The following RARRES1 variants were observed in gnomAD, a reference collection of about 807,000 sequenced individuals.
RARRES1 encodes the protein retinoic acid receptor responder 1, also known as retinoic acid receptor responder protein 1.
In RARRES1, 34 loss-of-function variants were observed where a neutral mutation model predicts 30.6. The ratio of observed to expected loss-of-function variants is 1.11; its 90% CI spans 0.84 to 1.48. The LOEUF (loss-of-function observed/expected upper bound fraction) is 1.48. Among genes scored for constraint, RARRES1 ranks in the 40% most tolerant of loss-of-function variants. RARRES1 has a pLI of 0.00. For missense variants in RARRES1, 373 were observed against 386.5 expected (o/e 0.97, Z 0.29); for synonymous variants, 153 against 155.5 (o/e 0.98, Z 0.12).
intron 1 of RARRES1, among the ~76,000 whole-genome samples, chr3:158,722,881 C>CA (rs140630533): frequency 0.24 from 26,244 of 109,914 alleles, 3,037 homozygotes; most frequent in African/African-American, 0.26. Context: ...GACTCCATCT[C>CA]AAAAAAAAAA....
intron 4 of RARRES1, among the ~76,000 whole-genome samples, chr3:158,702,446 G>A (rs1726766989): frequency 6.6e-6 from 1 of 152,202 alleles, no homozygotes; most frequent in Non-Finnish European, 1.5e-5. Context: ...AGACGGGTTA[G>A]AATGGGAGGG....
At chr3:158,700,200 TAA>T (rs1164208289) in intron 4 of RARRES1, among the ~76,000 whole-genome samples, 15 of 115,032 alleles carry the variant, frequency 1.3e-4, no homozygotes, top group Admixed American at 2.7e-4. Context: ...AAAATAATAA[TAA>T]GTGTGTGTGT....
rs1559879033 is a variant in RARRES1 at position 158,732,402 on chromosome 3, C to G, written c.14G>C (p.Arg5Pro). Residue 5 changes from arginine to proline, a missense_variant, in exon 1 of 6, where the codon CGG (arginine) becomes CCG (proline). Physicochemically the swap from Arg to Pro is moderately radical, Grantham distance 103. Transcript: ENST00000237696. ...GGACCAGGGAGCAGGCAGCCGTTGCCGGCGGGGCTGCATGGACGCAGGAAA... is the reference window on the plus strand; with the variant it reads ...GGACCAGGGAGCAGGCAGCCGTTGCGGGCGGGGCTGCATGGACGCAGGAAA... Reference protein sequence around the residue: MQPRRQRLPAPWSGP... With the variant: MQPRPQRLPAPWSGP... 2.6e-6 allele frequency: 4 copies of G among 1,510,576 alleles called. No homozygotes were observed. In the Admixed American group the frequency reaches 6.1e-5, roughly 23 times the overall value. The allele number at this position is 1,510,576 out of a possible 1,614,324, so 93.6% of individuals were successfully genotyped here.
intron 1 of RARRES1, among the ~76,000 whole-genome samples, chr3:158,725,998 T>C (rs1472156947): frequency 1.3e-5 from 2 of 152,258 alleles, no homozygotes; most frequent in African/African-American, 4.8e-5. Flanking sequence ...TCCTAGTTTA[T>C]CTTGCAAATA....
Position 158,731,994 on chromosome 3 carries a change from G to C in RARRES1, c.276+146C>G, listed in dbSNP as rs973027004. ...GGATACTTCAGGGGCGCCAGGCCCA[G>C]CTGGGATCTCCCCGGGCGTCGTGCG... is the stretch of plus-strand genomic sequence containing the variant. On this transcript the variant is annotated intron_variant, in intron 1 of 5. Coordinates refer to ENST00000237696, the MANE Select transcript of RARRES1 (RefSeq NM_206963.2). 4.4e-5 allele frequency: 37 copies of C among 850,066 alleles called. No homozygotes were observed. In the African/African-American group the frequency reaches 5.7e-4, roughly 13 times the overall value. The allele number at this position is 850,066 out of a possible 1,614,324, so 52.7% of individuals were successfully genotyped here.
intron 1 of RARRES1, among the ~76,000 whole-genome samples, chr3:158,722,086 C>CAAAAAAAAAAAAAAAAAAAA (rs571829700): frequency 1.0e-4 from 7 of 68,746 alleles, no homozygotes; most frequent in Non-Finnish European, 1.5e-4. Context: ...GAATGAAACT[C>CAAAAAAAAAAAAAAAAAAAA]AAAAAAAAAA....
At chr3:158,706,897 G>A (rs1206575562) in intron 3 of RARRES1, among the ~76,000 whole-genome samples, 15 of 152,160 alleles carry the variant, frequency 9.9e-5, no homozygotes, top group Non-Finnish European at 1.5e-5. Context: ...GGCCGGGCAT[G>A]GTGGCTCACG....
At chr3:158,708,286 T>C (rs1726991816) in intron 3 of RARRES1, among the ~76,000 whole-genome samples, 1 of 152,230 alleles carries the variant, frequency 6.6e-6, no homozygotes, top group Non-Finnish European at 1.5e-5. Flanking sequence ...CTTATGGTGC[T>C]GCTGTGAGTT....
In RARRES1 at chr3:158,717,048, A is replaced by G. The variant is rs1047360782; in HGVS notation, c.277-3189T>C. ...AGCCCCGTGCTGTTTTGCTCTGGTG[A>G]GATGAGCCGCACAGCCACAGGCCTG... On this transcript the variant is annotated intron_variant, in intron 1 of 5. Coordinates refer to ENST00000237696, the MANE Select transcript of RARRES1 (RefSeq NM_206963.2). 1.7e-4 allele frequency among the ~76,000 whole-genome samples: 26 copies of G among 152,116 alleles called. 1 individual carries two copies. Among genetic ancestry groups the G allele is most frequent in the Non-Finnish European group, 2.4e-4 (16 of 68,028 alleles).
intron 1 of RARRES1, among the ~76,000 whole-genome samples, chr3:158,728,508 TTTTC>T (rs1204610949): frequency 7.1e-5 from 10 of 141,606 alleles, no homozygotes; most frequent in African/African-American, 1.1e-4. Context: ...CGTGGTTTCT[TTTTC>T]TTTCTTTTTT....
intron 3 of RARRES1, among the ~76,000 whole-genome samples, chr3:158,707,944 C>G (rs763508525): frequency 3.9e-5 from 6 of 152,116 alleles, no homozygotes; most frequent in Admixed American, 6.5e-5. Context: ...TGTGTAATTT[C>G]TTTAACCTGG....
In RARRES1 at chr3:158,710,841, A is replaced by G; in HGVS notation, c.432T>C (p.Thr144=). Residue 144 remains threonine (T), a synonymous_variant, in exon 3 of 6, where the codon ACT becomes ACC. Transcript: ENST00000237696. The part of the protein sequence containing the change: ...NQKPRPTINV[T]CTRLIEKKKR... ...TCTTTTTCTCGATGAGCCGTGTACA[A>G]GTTACATTGATGGTTGGTCTGGGTT... 1 of 1,613,568 alleles carries G rather than the reference A, an allele frequency of 6.2e-7. No individual in the cohort carries two copies. The highest frequency in any genetic ancestry group is 8.5e-7 in the Non-Finnish European group (1 of 1,179,584).
intron 4 of RARRES1, 80 bp from the exon 5 acceptor site, chr3:158,698,050 A>ATGGGTGCCTTGTGTC (rs1408233082): frequency 1.9e-6 from 2 of 1,061,140 alleles, no homozygotes; most frequent in Admixed American, 5.0e-5. Context: ...CTTGTTTTGA[A>ATGGGTGCCTTGTGTC]TGGGTGCCTT....
chr3:158,713,498 T>C (rs1214855652), intron 2 of RARRES1, among the ~76,000 whole-genome samples: 1 of 152,032 alleles, frequency 6.6e-6, no homozygotes, highest in Non-Finnish European at 1.5e-5. Flanking sequence ...TCTGAGGAGC[T>C]AGGAGGGATA....
At chr3:158,727,828 T>C (rs991713894) in intron 1 of RARRES1, among the ~76,000 whole-genome samples, 1 of 152,202 alleles carries the variant, frequency 6.6e-6, no homozygotes, top group Non-Finnish European at 1.5e-5. Flanking sequence ...GTCTGTGATT[T>C]CGCCTACAAT....
intron 1 of RARRES1, among the ~76,000 whole-genome samples, chr3:158,716,789 G>T (rs571258046): frequency 6.6e-6 from 1 of 152,222 alleles, no homozygotes; most frequent in African/African-American, 2.4e-5. Context: ...TCACCGTGTT[G>T]CCCAGGCTGG....
intron 4 of RARRES1, among the ~76,000 whole-genome samples, chr3:158,700,136 C>T (rs1247887566): frequency 1.3e-5 from 2 of 151,712 alleles, no homozygotes; most frequent in East Asian, 3.9e-4. Flanking sequence ...GAGTTCGAGA[C>T]CAGCATGGGC....
At chr3:158,704,683 G>A (rs1315878848) in intron 4 of RARRES1, 108 bp downstream of exon 4, 31 of 1,433,252 alleles carry the variant, frequency 2.2e-5, no homozygotes, top group Non-Finnish European at 2.7e-5. Context: ...TGAAATAAAT[G>A]TGATTACAAC....
intron 3 of RARRES1, among the ~76,000 whole-genome samples, chr3:158,706,567 CTT>C (rs953366211): frequency 2.0e-5 from 3 of 152,168 alleles, no homozygotes; most frequent in African/African-American, 7.2e-5. Flanking sequence ...TGGAAGATGA[CTT>C]TGACTGCTGG....
Sources: allele counts gnomAD v4.1 joint callset (sites outside exome capture counted in the v4.1 genomes callset), GRCh38; gene constraint gnomAD v4.1.1; transcripts MANE v1.5; gene names NCBI Gene and HGNC (gene_info 2026-07-23, HGNC 2026-07-21).